Variants in ZDHHC14 observed in about 807,000 individuals in gnomAD.
ZDHHC14 encodes the protein palmitoyltransferase ZDHHC14.
Under a neutral mutation model 47.7 loss-of-function variants are expected in ZDHHC14, and 16 were observed. That is an observed-to-expected ratio of 0.34 (90% CI 0.23 to 0.51). The LOEUF is 0.51. Ranked by LOEUF, ZDHHC14 falls within the 20% of genes least tolerant of loss-of-function variation. The pLI, the probability that ZDHHC14 is intolerant of heterozygous loss-of-function variation, is 0.97. For missense variants in ZDHHC14, 515 were observed against 662.5 expected, an observed-to-expected ratio of 0.78 and a Z score of 2.44; for synonymous variants, 293 against 278.9, an observed-to-expected ratio of 1.05 and a Z score of -0.50.
chr6:157,499,611 G>C (rs1252666002), intron 1 of ZDHHC14, among the ~76,000 whole-genome samples: 1 of 152,150 alleles, frequency 6.6e-6, no homozygotes, highest in Non-Finnish European at 1.5e-5. Context: ...TCACCAAAAG[G>C]GTTTTGTTAC....
At chr6:157,654,645 C>T (rs762826141) in intron 8 of ZDHHC14, among the ~76,000 whole-genome samples, 2 of 151,986 alleles carry the variant, frequency 1.3e-5, no homozygotes, top group East Asian at 1.9e-4. Context: ...CTAGACTCAG[C>T]CCCCAGCAGA....
At chr6:157,526,780 G>A (rs1000748682) in intron 1 of ZDHHC14, among the ~76,000 whole-genome samples, 14 of 152,188 alleles carry the variant, frequency 9.2e-5, no homozygotes, top group African/African-American at 3.1e-4. Context: ...ACTGACACAC[G>A]TGCGCCAGGG....
At chr6:157,461,519 C>A (rs889728410) in intron 1 of ZDHHC14, among the ~76,000 whole-genome samples, 3 of 152,142 alleles carry the variant, frequency 2.0e-5, no homozygotes, top group Non-Finnish European at 1.5e-5. Flanking sequence ...CATGTCATTC[C>A]CAGAGGCAAA....
intron 1 of ZDHHC14, among the ~76,000 whole-genome samples, chr6:157,387,341 G>C (rs904879651): frequency 6.6e-6 from 1 of 152,156 alleles, no homozygotes; most frequent in Non-Finnish European, 1.5e-5. Context: ...TTCCAAGAAC[G>C]ACGTCTCTGT....
At chr6:157,388,731 G>T (rs531788108) in intron 1 of ZDHHC14, among the ~76,000 whole-genome samples, 16 of 152,268 alleles carry the variant, frequency 1.1e-4, no homozygotes, top group Non-Finnish European at 1.8e-4. Flanking sequence ...TTTAAAAAAT[G>T]TAATGTGAGA....
At chr6:157,494,594 T>C (rs1264072348) in intron 1 of ZDHHC14, among the ~76,000 whole-genome samples, 1 of 152,202 alleles carries the variant, frequency 6.6e-6, no homozygotes, top group Non-Finnish European at 1.5e-5. Context: ...CAGATTTTTA[T>C]AAAGGGGGAC....
intron 5 of ZDHHC14, among the ~76,000 whole-genome samples, chr6:157,633,669 T>C (rs1379111538): frequency 1.3e-5 from 2 of 152,082 alleles, no homozygotes; most frequent in African/African-American, 4.8e-5. Context: ...AGGAAGGGAA[T>C]TATTCGTTTT....
At chr6:157,569,191 A>T (rs1440398309) in intron 2 of ZDHHC14, among the ~76,000 whole-genome samples, 2 of 151,884 alleles carry the variant, frequency 1.3e-5, no homozygotes, top group African/African-American at 2.4e-5. Context: ...CCGTATGTCC[A>T]AAAACCTTTC....
chr6:157,672,296 A>G (rs141560127), intron 8 of ZDHHC14, among the ~76,000 whole-genome samples: 92 of 152,334 alleles, frequency 6.0e-4, no homozygotes, highest in South Asian at 5.4e-3. Flanking sequence ...TAACATTGCT[A>G]TGAACATGGG....
At chr6:157,435,877 C>G (rs377596893) in intron 1 of ZDHHC14, among the ~76,000 whole-genome samples, 1 of 152,150 alleles carries the variant, frequency 6.6e-6, no homozygotes, top group African/African-American at 2.4e-5. Flanking sequence ...AAGGGCCTGG[C>G]AGCGTGGCAG....
intron 1 of ZDHHC14, among the ~76,000 whole-genome samples, chr6:157,412,787 A>C (rs1194728533): frequency 6.6e-6 from 1 of 152,214 alleles, no homozygotes. Context: ...ATCAGAGCAA[A>C]ACCATTTGTC....
chr6:157,483,399 G>A (rs1052165213), intron 1 of ZDHHC14, among the ~76,000 whole-genome samples: 1 of 152,172 alleles, frequency 6.6e-6, no homozygotes, highest in East Asian at 1.9e-4. Context: ...CTTGGGCAGT[G>A]CATTATTTGT....
chr6:157,537,786 T>C (rs1029737250), intron 1 of ZDHHC14, among the ~76,000 whole-genome samples: 3 of 152,156 alleles, frequency 2.0e-5, no homozygotes, highest in South Asian at 2.1e-4. Context: ...CTCAGAAATA[T>C]GGAGGAGCCA....
At chr6:157,609,322 G>A (rs1784666768) in intron 3 of ZDHHC14, among the ~76,000 whole-genome samples, 1 of 152,184 alleles carries the variant, frequency 6.6e-6, no homozygotes, top group Admixed American at 6.5e-5. Context: ...CACTGGACAG[G>A]AGAGGCCTTA....
chr6:157,641,166 T>G (rs1323748435), intron 5 of ZDHHC14, among the ~76,000 whole-genome samples: 2 of 152,202 alleles, frequency 1.3e-5, no homozygotes, highest in Non-Finnish European at 2.9e-5. Flanking sequence ...GATATTAGAT[T>G]TAATTTTTTT....
At chr6:157,530,846 G>A (rs1052672740) in intron 1 of ZDHHC14, among the ~76,000 whole-genome samples, 5 of 152,038 alleles carry the variant, frequency 3.3e-5, no homozygotes, top group African/African-American at 1.2e-4. Flanking sequence ...TTTCTAACCT[G>A]TATTGGTCCT....
chr6:157,564,698 A>G (rs773649931), intron 2 of ZDHHC14, among the ~76,000 whole-genome samples: 15 of 152,256 alleles, frequency 9.9e-5, no homozygotes, highest in Non-Finnish European at 1.8e-4. Flanking sequence ...TTTTGATTTC[A>G]CAGCACTTAT....
At chr6:157,425,707 A>G (rs1482186542) in intron 1 of ZDHHC14, among the ~76,000 whole-genome samples, 1 of 152,186 alleles carries the variant, frequency 6.6e-6, no homozygotes, top group Non-Finnish European at 1.5e-5. Context: ...AGTAGAAACT[A>G]AAATTCTTGC....
chr6:157,584,618 G>A (rs1481723252), intron 2 of ZDHHC14, among the ~76,000 whole-genome samples: 1 of 152,190 alleles, frequency 6.6e-6, no homozygotes, highest in Non-Finnish European at 1.5e-5. Context: ...ACAGGCAGAA[G>A]TTAAACAGCT....
Sources: allele counts gnomAD v4.1 joint callset (sites outside exome capture counted in the v4.1 genomes callset), GRCh38; gene constraint gnomAD v4.1.1; transcripts MANE v1.5; gene names NCBI Gene and HGNC (gene_info 2026-07-23, HGNC 2026-07-21).